Variants in CDC42BPA observed in about 807,000 individuals in gnomAD.
The protein encoded by CDC42BPA is CDC42 binding protein kinase alpha.
A neutral mutation model predicts 223.5 loss-of-function variants in CDC42BPA; 80 were observed. That is an observed-to-expected ratio of 0.36 (90% CI 0.30 to 0.43). CDC42BPA has a LOEUF of 0.43. Ranked by LOEUF, CDC42BPA falls within the 20% of genes least tolerant of loss-of-function variation. CDC42BPA has a pLI of 1.00. For synonymous variants in CDC42BPA, 694 were observed against 718.6 expected, an observed-to-expected ratio of 0.97 and a Z score of 0.55; for missense variants, 1,743 against 2,099.9, an observed-to-expected ratio of 0.83 and a Z score of 3.32.
rs1558326821 is a variant in CDC42BPA at position 227,031,300 on chromosome 1, A to G, written c.3773T>C (p.Ile1258Thr). 4.4e-6 allele frequency: 7 copies of G among 1,608,510 alleles called. No individual in the cohort carries two copies. Among genetic ancestry groups the G allele is most frequent in the Non-Finnish European group, 6.0e-6 (7 of 1,174,990 alleles). The change falls in exon 28 of 37, where the codon ATA becomes ACA. Residue 1258 changes from isoleucine (I) to threonine (T), a missense_variant and splice_region_variant. Physicochemically the swap from Ile to Thr is moderately conservative, Grantham distance 89 (BLOSUM62 -1). Around this residue, in one of 6 missense-constraint regions of CDC42BPA, gnomAD observed 678 missense variants for 777.5 expected, o/e 0.87. Transcript: ENST00000366766. ...TGATAAATGTTATAAATTCATACCTATGATTGCGGCTGCCTGGGTTGTTTT... is the reference window on the plus strand; with the variant it reads ...TGATAAATGTTATAAATTCATACCTGTGATTGCGGCTGCCTGGGTTGTTTT... ...LIKTTQAAAI[I>T]DHERIALGNE...
intron 11 of CDC42BPA, among the ~76,000 whole-genome samples, chr1:227,120,296 T>C (rs1157761054): frequency 2.0e-5 from 3 of 152,208 alleles, no homozygotes; most frequent in Non-Finnish European, 4.4e-5. Context: ...GTAAGCATCC[T>C]AGTGCTGATG....
At chr1:227,137,839 A>G (rs1038544234) in intron 10 of CDC42BPA, among the ~76,000 whole-genome samples, 3 of 152,126 alleles carry the variant, frequency 2.0e-5, no homozygotes, top group African/African-American at 7.2e-5. Context: ...ACTTAGGATG[A>G]TGTTTATTTC....
chr1:227,193,522 G>C, intron 5 of CDC42BPA: 1 of 346,584 alleles, frequency 2.9e-6, no homozygotes, highest in East Asian at 5.3e-5. Context: ...ACCTTTCCTA[G>C]TCTCCAATGT....
chr1:227,003,580 A>G (rs1038032343), intron 35 of CDC42BPA, among the ~76,000 whole-genome samples: 1 of 152,196 alleles, frequency 6.6e-6, no homozygotes, highest in Non-Finnish European at 1.5e-5. Context: ...AATCAGCCAG[A>G]TGTCCCATCT....
At chr1:227,148,412 C>A (rs1474189724) in intron 6 of CDC42BPA, among the ~76,000 whole-genome samples, 1 of 152,146 alleles carries the variant, frequency 6.6e-6, no homozygotes, top group Non-Finnish European at 1.5e-5. Flanking sequence ...TTATCCAAAA[C>A]ATGAACATTC....
intron 5 of CDC42BPA, among the ~76,000 whole-genome samples, chr1:227,182,321 G>A (rs1222189937): frequency 2.0e-5 from 3 of 152,238 alleles, no homozygotes; most frequent in South Asian, 4.1e-4. Context: ...TCACTTCCTT[G>A]TAGGCCAAAG....
In CDC42BPA at chr1:227,253,607, A is replaced by AATAAATACATACATACACAC. The variant is rs368046447; in HGVS notation, c.270+456_270+457insGTGTGTATGTATGTATTTAT. Among the ~76,000 whole-genome samples the AATAAATACATACATACACAC allele has an allele frequency of 2.2e-3, 256 of 116,544 alleles. 1 individual carries two copies. The highest frequency in any genetic ancestry group is 8.2e-3 in the African/African-American group (245 of 29,824). 76.5% of individuals were successfully genotyped at this position (116,544 alleles called of 152,430 possible). On this transcript the variant is annotated intron_variant, in intron 2 of 36. Transcript: ENST00000366766. ...GGAAACTCCATCTCAAAAATAAATA[A>AATAAATACATACATACACAC]ATACATACATACATACATACATACA... is the stretch of plus-strand genomic sequence containing the variant.
chr1:227,295,474 T>A (rs539146624), intron 1 of CDC42BPA, among the ~76,000 whole-genome samples: 21 of 143,988 alleles, frequency 1.5e-4, no homozygotes, highest in South Asian at 8.7e-4. Context: ...TTAAAAAAAA[T>A]TTAAATTAAG....
chr1:227,282,671 C>T (rs1688195353), intron 1 of CDC42BPA, among the ~76,000 whole-genome samples: 2 of 152,212 alleles, frequency 1.3e-5, no homozygotes, highest in Non-Finnish European at 2.9e-5. Context: ...AAGCACAGCT[C>T]TACCTTACTC....
At chr1:227,193,663 A>AT (rs150257854) in intron 5 of CDC42BPA, 123 bp downstream of exon 5, 10,685 of 756,328 alleles carry the variant, frequency 0.014, 67 homozygotes, top group African/African-American at 0.018. Context: ...TCTCAAAATA[A>AT]TTTTTTTTGG....
At chr1:227,200,877 T>A (rs1015441819) in intron 3 of CDC42BPA, among the ~76,000 whole-genome samples, 1 of 152,188 alleles carries the variant, frequency 6.6e-6, no homozygotes. Context: ...TTTTAAGTGG[T>A]TGCCAACATG....
At chr1:227,180,581 A>G (rs1667766415) in intron 5 of CDC42BPA, 1 of 152,216 alleles carries the variant, frequency 6.6e-6, no homozygotes, top group African/African-American at 2.4e-5. Context: ...AACAGAATCA[A>G]GGTAAGATCT....
intron 21 of CDC42BPA, 102 bp downstream of exon 21, chr1:227,069,675 T>C: frequency 4.1e-6 from 3 of 734,252 alleles, no homozygotes; most frequent in South Asian, 3.7e-5. Flanking sequence ...CTAGGTCCTC[T>C]GATGTGGGAA....
chr1:227,240,454 A>G (rs1344276459), intron 2 of CDC42BPA, among the ~76,000 whole-genome samples: 6 of 152,038 alleles, frequency 3.9e-5, no homozygotes, highest in Non-Finnish European at 8.8e-5. Context: ...AATTAAAACA[A>G]TCTTGAAAAA....
chr1:227,307,099 T>G (rs1425527477), intron 1 of CDC42BPA, among the ~76,000 whole-genome samples: 2 of 152,294 alleles, frequency 1.3e-5, no homozygotes, highest in South Asian at 4.1e-4. Context: ...AAAGCTTTAC[T>G]GGAAAAAAAC....
chr1:227,197,088 G>A (rs529067447), intron 4 of CDC42BPA, among the ~76,000 whole-genome samples: 2 of 151,974 alleles, frequency 1.3e-5, no homozygotes, highest in Non-Finnish European at 2.9e-5. Flanking sequence ...ATAAACTATT[G>A]TAGTAAGTAG....
chr1:227,011,067 T>C, intron 34 of CDC42BPA: 1 of 1,316,814 alleles, frequency 7.6e-7, no homozygotes, highest in Non-Finnish European at 1.0e-6. Context: ...AACCTGGCTA[T>C]CAAAAACAAA....
intron 1 of CDC42BPA, among the ~76,000 whole-genome samples, chr1:227,279,325 A>G (rs1309625413): frequency 1.3e-5 from 2 of 152,166 alleles, no homozygotes; most frequent in Non-Finnish European, 2.9e-5. Flanking sequence ...ATTCTAAAAG[A>G]AAGGAAATAA....
intron 21 of CDC42BPA, among the ~76,000 whole-genome samples, chr1:227,064,862 C>T (rs940607885): frequency 1.3e-5 from 2 of 152,050 alleles, no homozygotes; most frequent in Non-Finnish European, 2.9e-5. Context: ...CTTTGGGAGG[C>T]CGAGGTGGGC....
Sources: gnomAD v4.1 joint callset for allele counts (sites outside exome capture counted in the v4.1 genomes callset) on GRCh38, gnomAD v4.1.1 for gene constraint, gnomAD v4.1.1 regional missense constraint, MANE v1.5 for transcripts, NCBI Gene and HGNC (gene_info 2026-07-23, HGNC 2026-07-21) for gene names.